HOMER1: variants seen among roughly 807,000 people sequenced by gnomAD.
HOMER1 encodes homer protein homolog 1.
HOMER1 carries 3 observed loss-of-function variants against 48.9 expected under a neutral mutation model. The ratio of observed to expected loss-of-function variants is 0.06; its 90% CI spans 0.03 to 0.16. The LOEUF is 0.16. Ranked by LOEUF, HOMER1 falls within the 10% of genes least tolerant of loss-of-function variation. The pLI is 1.00. For synonymous variants in HOMER1, 134 were observed against 146.4 expected (o/e 0.92, Z 0.61); for missense variants, 247 against 411.4 (o/e 0.60, Z 3.46).
chr5:79,436,051 G>A (rs1431496757), intron 5 of HOMER1, among the ~76,000 whole-genome samples: 18 of 151,072 alleles, frequency 1.2e-4, no homozygotes, highest in Non-Finnish European at 1.9e-4. Context: ...GCGTGAACCC[G>A]GGAAGCGGAG....
chr5:79,452,676 C>A (rs1182565360), intron 2 of HOMER1, among the ~76,000 whole-genome samples: 5 of 151,812 alleles, frequency 3.3e-5, no homozygotes, highest in Non-Finnish European at 7.4e-5. Flanking sequence ...ATGCATGACA[C>A]CTGTCCTACT....
At chr5:79,500,963 G>GACACACAC (rs140189642) in intron 1 of HOMER1, among the ~76,000 whole-genome samples, 35 of 101,686 alleles carry the variant, frequency 3.4e-4, no homozygotes, top group African/African-American at 1.1e-3. Flanking sequence ...GAGACAGACA[G>GACACACAC]ACACACACAC....
At chr5:79,512,201 T>A (rs1016191458) in intron 1 of HOMER1, among the ~76,000 whole-genome samples, 1 of 152,320 alleles carries the variant, frequency 6.6e-6, no homozygotes, top group East Asian at 1.9e-4. Flanking sequence ...ACCCGTACCG[T>A]GGTGACCGCA....
At chr5:79,401,705 C>CGTAT (rs1336769238) in intron 6 of HOMER1, among the ~76,000 whole-genome samples, 194 bp downstream of exon 6, 13 of 152,090 alleles carry the variant, frequency 8.5e-5, no homozygotes, top group Admixed American at 8.5e-4. Flanking sequence ...CTTCAAAAGG[C>CGTAT]GTATATTCTT....
chr5:79,382,139 A>C (rs1467852680), intron 8 of HOMER1, among the ~76,000 whole-genome samples: 2 of 152,194 alleles, frequency 1.3e-5, no homozygotes, highest in African/African-American at 4.8e-5. Context: ...AAAAGGAATA[A>C]GCAAAGCCTC....
chr5:79,467,255 C>T (rs937886276), intron 1 of HOMER1, among the ~76,000 whole-genome samples: 4 of 151,690 alleles, frequency 2.6e-5, no homozygotes, highest in Non-Finnish European at 5.9e-5. Context: ...GCTGGGCGTG[C>T]TGGCAGGGGC....
chr5:79,419,941 T>C (rs1434537982), intron 5 of HOMER1, among the ~76,000 whole-genome samples: 2 of 152,200 alleles, frequency 1.3e-5, no homozygotes, highest in Non-Finnish European at 2.9e-5. Context: ...CATTTATATA[T>C]CTTGACTCAT....
intron 1 of HOMER1, among the ~76,000 whole-genome samples, chr5:79,459,760 A>T (rs1359325546): frequency 2.0e-5 from 3 of 152,218 alleles, no homozygotes; most frequent in African/African-American, 7.2e-5. Flanking sequence ...ACTACGATAG[A>T]TTCTCTAAAA....
chr5:79,384,906 T>C (rs771434882), intron 8 of HOMER1, among the ~76,000 whole-genome samples: 1 of 152,204 alleles, frequency 6.6e-6, no homozygotes, highest in East Asian at 1.9e-4. Flanking sequence ...TGATCATCAA[T>C]AGATGCAGAA....
At chr5:79,438,219 T>G (rs1450037476) in intron 5 of HOMER1, among the ~76,000 whole-genome samples, 1 of 152,316 alleles carries the variant, frequency 6.6e-6, no homozygotes, top group East Asian at 1.9e-4. Flanking sequence ...TTCCTAACTT[T>G]AACTAAAACT....
intron 8 of HOMER1, among the ~76,000 whole-genome samples, chr5:79,380,115 G>A (rs143310437): frequency 6.6e-6 from 1 of 152,298 alleles, no homozygotes; most frequent in Admixed American, 6.5e-5. Flanking sequence ...GGATTGGTGG[G>A]GAGCTGAGAT....
At chr5:79,472,618 T>TAA (rs11392852) in intron 1 of HOMER1, among the ~76,000 whole-genome samples, 10 of 145,318 alleles carry the variant, frequency 6.9e-5, no homozygotes, top group Admixed American at 1.4e-4. Context: ...CTACTAAAAA[T>TAA]AAAAAAAAAA....
At chr5:79,418,996 A>G (rs1414988915) in intron 5 of HOMER1, among the ~76,000 whole-genome samples, 1 of 152,252 alleles carries the variant, frequency 6.6e-6, no homozygotes, top group Non-Finnish European at 1.5e-5. Flanking sequence ...GTATGGATTA[A>G]ACAGATTTAA....
At chr5:79,402,609 C>T (rs1749559641) in intron 5 of HOMER1, among the ~76,000 whole-genome samples, 1 of 152,078 alleles carries the variant, frequency 6.6e-6, no homozygotes, top group African/African-American at 2.4e-5. Flanking sequence ...TGTTTCCAAC[C>T]TTCATTATGA....
intron 1 of HOMER1, among the ~76,000 whole-genome samples, chr5:79,478,809 G>A (rs184587030): frequency 6.6e-5 from 10 of 152,140 alleles, no homozygotes; most frequent in Admixed American, 1.3e-4. Context: ...AAAATTAGCC[G>A]GGTATGATGG....
chr5:79,384,543 G>T (rs1451461559), intron 8 of HOMER1, among the ~76,000 whole-genome samples: 3 of 151,800 alleles, frequency 2.0e-5, no homozygotes, highest in Admixed American at 2.0e-4. Flanking sequence ...AGGCCAGAGG[G>T]CTTCACTGCC....
At chr5:79,385,304 CAA>C (rs1303323504) in intron 8 of HOMER1, among the ~76,000 whole-genome samples, 3 of 152,108 alleles carry the variant, frequency 2.0e-5, no homozygotes, top group African/African-American at 4.8e-5. Flanking sequence ...AAGGAAACAA[CAA>C]AGAGACAACC....
At chr5:79,465,712 C>A (rs1397202029) in intron 1 of HOMER1, among the ~76,000 whole-genome samples, 1 of 150,476 alleles carries the variant, frequency 6.6e-6, no homozygotes, top group Non-Finnish European at 1.5e-5. Context: ...CCTGCCTCAG[C>A]CTCCCGAGTA....
intron 8 of HOMER1, among the ~76,000 whole-genome samples, chr5:79,385,055 T>C (rs1030580528): frequency 6.6e-6 from 1 of 151,996 alleles, no homozygotes; most frequent in Non-Finnish European, 1.5e-5. Context: ...GAAAAGCTTT[T>C]CCCTCAGAGA....
Sources: gnomAD v4.1 joint callset for allele counts (sites outside exome capture counted in the v4.1 genomes callset) on GRCh38, gnomAD v4.1.1 for gene constraint, MANE v1.5 for transcripts, NCBI Gene and HGNC (gene_info 2026-07-23, HGNC 2026-07-21) for gene names.